The following JMJD7 variants were observed in gnomAD, a reference collection of about 807,000 sequenced individuals.
The protein encoded by JMJD7 is jumonji domain containing 7.
JMJD7 carries 41 observed loss-of-function variants against 41.1 expected under a neutral mutation model. That is an observed-to-expected ratio of 1.00 (90% confidence interval 0.78 to 1.30). JMJD7 has a LOEUF of 1.30. JMJD7 is among the 50% of genes most tolerant of loss of function. The pLI is 0.00. For synonymous variants in JMJD7, 202 were observed against 177.2 expected, an observed-to-expected ratio of 1.14 and a Z score of -1.11; for missense variants, 480 against 420.7, an observed-to-expected ratio of 1.14 and a Z score of -1.23.
rs770851869 is a variant in JMJD7 at position 41,834,959 on chromosome 15, C to T, written c.219-11C>T. On this transcript the variant is annotated splice_polypyrimidine_tract_variant and intron_variant, in intron 2 of 7. Transcript: ENST00000397299. ...GGCATCTGGGCATGGGCTGAGTGTC[C>T]ATTCCTCTAGAGCCACAGTGGGCTC... 3 of 1,613,968 alleles carry T rather than the reference C, an allele frequency of 1.9e-6. No homozygotes were observed. The highest frequency in any genetic ancestry group is 2.2e-5 in the East Asian group (1 of 44,880).
At chr15:41,833,675 C>T (rs1398257150) in intron 1 of JMJD7, among the ~76,000 whole-genome samples, 1 of 151,864 alleles carries the variant, frequency 6.6e-6, no homozygotes, top group Non-Finnish European at 1.5e-5. Context: ...CTGCCTCTGC[C>T]TCCCAAAGTG....
chr15:41,836,873 C>G lies in JMJD7; in HGVS notation c.795C>G (p.Ala265=). 6.2e-7 allele frequency: 1 copy of G among 1,613,362 alleles called. No individual in the cohort carries two copies. Among genetic ancestry groups the G allele is most frequent in the African/African-American group, 1.3e-5 (1 of 75,008 alleles). ...QAQALRCTVR[A]GEMLYLPALW... is the part of the protein sequence containing the mutation. ...AGGCCCTTCGCTGCACGGTGCGGGC[C>G]GGTGAGATGCTCTATCTGCCGGCTC... Residue 265 remains alanine (A), a synonymous_variant, in exon 7 of 8, where the codon GCC becomes GCG. Coordinates refer to ENST00000397299, the MANE Select transcript of JMJD7 (RefSeq NM_001114632.2).
chr15:41,836,056 T>A lies in JMJD7; in HGVS notation c.530-92T>A. On this transcript the variant is annotated intron_variant, in intron 4 of 7. Transcript: ENST00000397299. Reference sequence around the variant, plus strand: ...CGTGCTTCTCTTTTGTCATAGGACGTCTTGGGGTGCAGGGCTCTCAGCATG... The same window carrying A: ...CGTGCTTCTCTTTTGTCATAGGACGACTTGGGGTGCAGGGCTCTCAGCATG... 3 of 1,352,062 alleles carry A rather than the reference T, an allele frequency of 2.2e-6. No homozygotes were observed. The South Asian group carries it at 4.3e-5, about 19-fold the overall frequency. 83.8% of individuals were successfully genotyped at this position (1,352,062 alleles called of 1,614,324 possible). A position where few individuals can be genotyped will look rare whatever the true frequency, so the allele number is the denominator to read the frequency against.
chr15:41,833,384 G>A lies in JMJD7; in HGVS notation c.65-1356G>A, dbSNP rs114362505. On this transcript the variant is annotated intron_variant, in intron 1 of 7. Transcript: ENST00000397299. ...GAAAGAATGATAAACAGTTTATGTA[G>A]GTGAAATACATATATATATATATAT... is the stretch of plus-strand genomic sequence containing the variant. Among the ~76,000 whole-genome samples the A allele has an allele frequency of 3.5e-3, 409 of 117,826 alleles. 6 individuals are homozygous for A. Among genetic ancestry groups the A allele is most frequent in the African/African-American group, 0.013 (399 of 31,656 alleles). 77.3% of individuals were successfully genotyped at this position (117,826 alleles called of 152,430 possible).
chr15:41,828,864 C>T (rs1244815147), intron 1 of JMJD7, among the ~76,000 whole-genome samples: 1 of 152,218 alleles, frequency 6.6e-6, no homozygotes, highest in African/African-American at 2.4e-5. Context: ...ACACACTCTT[C>T]TGCACCGTGT....
In JMJD7 at chr15:41,836,204, C is replaced by T. The variant is rs771001261; in HGVS notation, c.586C>T (p.Leu196=). The part of the protein sequence containing the change: ...YCVVSGEKHF[L]FHPPSDRPFI... ...CGTGGTCTCAGGAGAGAAGCATTTCCTGTTCCATCCGCCCAGCGACCGGCC... is the reference window on the plus strand; with the variant it reads ...CGTGGTCTCAGGAGAGAAGCATTTCTTGTTCCATCCGCCCAGCGACCGGCC... The change falls in exon 5 of 8, where the codon CTG becomes TTG. Residue 196 remains leucine (L), a synonymous_variant. Coordinates refer to ENST00000397299, the MANE Select transcript of JMJD7 (RefSeq NM_001114632.2). 7 of 1,612,926 alleles carry T rather than the reference C, an allele frequency of 4.3e-6. No individual in the cohort carries two copies. Among genetic ancestry groups the T allele is most frequent in the Non-Finnish European group, 5.9e-6 (7 of 1,179,494 alleles).
intron 1 of JMJD7, among the ~76,000 whole-genome samples, chr15:41,833,598 T>A (rs890884174): frequency 3.3e-5 from 5 of 151,288 alleles, no homozygotes; most frequent in African/African-American, 1.2e-4. Context: ...TTTTTAATTT[T>A]TTTGTAGAGA....
chr15:41,836,239 C>T lies in JMJD7; in HGVS notation c.621C>T (p.Pro207=), dbSNP rs1433783950. The change falls in exon 5 of 8, where the codon CCC becomes CCT. Residue 207 remains proline (P), a synonymous_variant. Coordinates refer to ENST00000397299, the MANE Select transcript of JMJD7 (RefSeq NM_001114632.2). The part of the protein sequence containing the change: ...FHPPSDRPFI[P]YELYTPATYQ... ...CGCCCAGCGACCGGCCCTTCATCCCCTATGGTAGGGGATGTGGCCTGCAGG... is the reference window on the plus strand; with the variant it reads ...CGCCCAGCGACCGGCCCTTCATCCCTTATGGTAGGGGATGTGGCCTGCAGG... 3.7e-6 allele frequency: 6 copies of T among 1,612,644 alleles called. No individual in the cohort carries two copies. The highest frequency in any genetic ancestry group is 5.1e-6 in the Non-Finnish European group (6 of 1,179,502).
intron 6 of JMJD7, 68 bp downstream of exon 6, chr15:41,836,619 A>G (rs1046228728): frequency 3.4e-6 from 5 of 1,484,038 alleles, no homozygotes; most frequent in Middle Eastern, 1.8e-4. Context: ...GAACAGGCAC[A>G]AAAGATCTGG....
At chr15:41,828,804 G>A (rs906066711) in intron 1 of JMJD7, among the ~76,000 whole-genome samples, 4 of 152,184 alleles carry the variant, frequency 2.6e-5, no homozygotes, top group Admixed American at 2.6e-4. Flanking sequence ...GTTTATATCC[G>A]TGCACACACG....
chr15:41,833,954 C>T (rs992200309), intron 1 of JMJD7, among the ~76,000 whole-genome samples: 2 of 152,128 alleles, frequency 1.3e-5, no homozygotes, highest in Non-Finnish European at 1.5e-5. Context: ...ATCAACAGGA[C>T]TCAGAGCCAA....
intron 1 of JMJD7, chr15:41,829,402 C>G (rs1232040770): frequency 2.0e-5 from 3 of 152,280 alleles, no homozygotes; most frequent in Admixed American, 1.3e-4. Flanking sequence ...CCTCGACCTC[C>G]CAGGTTCAAG....
Position 41,837,126 on chromosome 15 carries a change from C to T in JMJD7, c.921C>T (p.Asp307=). 6.2e-7 allele frequency: 1 copy of T among 1,613,240 alleles called. No individual in the cohort carries two copies. The change falls in exon 8 of 8, where the codon GAC becomes GAT. Residue 307 remains aspartate, a synonymous_variant. Coordinates refer to ENST00000397299, the MANE Select transcript of JMJD7 (RefSeq NM_001114632.2). ...DLKYSYFQLL[D]SLTKASGLD ...AGTATAGTTACTTCCAGCTGCTCGACTCCCTCACCAAGGCTTCAGGCCTTG... is the reference window on the plus strand; with the variant it reads ...AGTATAGTTACTTCCAGCTGCTCGATTCCCTCACCAAGGCTTCAGGCCTTG...
Position 41,835,094 on chromosome 15 carries a change from G to GTGC in JMJD7, c.346_348dup (p.Leu116dup). The GTGC allele has an allele frequency of 6.2e-7, 1 of 1,613,384 alleles. No homozygotes were observed. The highest frequency in any genetic ancestry group is 8.5e-7 in the Non-Finnish European group (1 of 1,180,006). ...CCTGCCCCTGAGCTTCGTGCTGGAT[G>GTGC]TGCTGGAGGGCCGGGCCCAGCACCC... On this transcript the variant is annotated inframe_insertion, in exon 3 of 8. Coordinates refer to ENST00000397299, the MANE Select transcript of JMJD7 (RefSeq NM_001114632.2).
intron 1 of JMJD7, among the ~76,000 whole-genome samples, chr15:41,828,734 C>G (rs754306301): frequency 6.6e-6 from 1 of 152,126 alleles, no homozygotes; most frequent in Non-Finnish European, 1.5e-5. Flanking sequence ...TACAGTGGTA[C>G]GCAATGTAAA....
chr15:41,833,252 A>T (rs1200408809), intron 1 of JMJD7, among the ~76,000 whole-genome samples: 1 of 151,844 alleles, frequency 6.6e-6, no homozygotes, highest in African/African-American at 2.4e-5. Context: ...TTAGGCAAAT[A>T]CTTGCTGAGC....
chr15:41,833,554 A>G (rs2065265383), intron 1 of JMJD7, among the ~76,000 whole-genome samples: 3 of 150,444 alleles, frequency 2.0e-5, no homozygotes, highest in Admixed American at 1.3e-4. Flanking sequence ...TAGCGTAGCT[A>G]GGAGTATAGG....
At chr15:41,836,710 T>G (rs978252865) in intron 6 of JMJD7, 71 bp from the exon 7 acceptor site, 2 of 1,512,694 alleles carry the variant, frequency 1.3e-6, no homozygotes, top group African/African-American at 2.8e-5. Flanking sequence ...GGTGTTGACC[T>G]TTGGAAGGGA....
intron 1 of JMJD7, among the ~76,000 whole-genome samples, chr15:41,833,385 G>A (rs1377004721): frequency 4.2e-5 from 5 of 118,736 alleles, no homozygotes; most frequent in African/African-American, 1.2e-4. Context: ...GTTTATGTAG[G>A]TGAAATACAT....
Sources: allele counts gnomAD v4.1 joint callset (sites outside exome capture counted in the v4.1 genomes callset), GRCh38; gene constraint gnomAD v4.1.1; transcripts MANE v1.5; gene names NCBI Gene and HGNC (gene_info 2026-07-23, HGNC 2026-07-21).